The following DSCAML1 variants were observed in gnomAD, a reference collection of about 807,000 sequenced individuals.
DSCAML1 encodes the protein cell adhesion molecule DSCAML1.
Under a neutral mutation model 200.5 loss-of-function variants are expected in DSCAML1, and 38 were observed. The ratio of observed to expected loss-of-function variants is 0.19; its 90% CI spans 0.15 to 0.25. The LOEUF is 0.25. Ranked by LOEUF, DSCAML1 falls within the 10% of genes least tolerant of loss-of-function variation. DSCAML1 has a pLI of 1.00. For missense variants in DSCAML1, 2,223 were observed against 2,858.8 expected, an observed-to-expected ratio of 0.78 and a Z score of 5.07; for synonymous variants, 1,215 against 1,165.0, an observed-to-expected ratio of 1.04 and a Z score of -0.87.
chr11:117,709,775 C>A (rs1293360729), intron 3 of DSCAML1: 1 of 454,424 alleles, frequency 2.2e-6, no homozygotes, highest in Non-Finnish European at 4.4e-6. Flanking sequence ...TGACCCATCA[C>A]CCTAAGGAGC....
chr11:117,491,595 C>T (rs541643746), intron 11 of DSCAML1, among the ~76,000 whole-genome samples: 3 of 152,304 alleles, frequency 2.0e-5, no homozygotes, highest in African/African-American at 7.2e-5. Context: ...CCATGGCCAA[C>T]ATGGCCCGTC....
At chr11:117,815,638 C>T (rs2055798900) in intron 1 of DSCAML1, among the ~76,000 whole-genome samples, 1 of 152,070 alleles carries the variant, frequency 6.6e-6, no homozygotes, top group African/African-American at 2.4e-5. Flanking sequence ...CTGGCGGCCT[C>T]CTGGGGCTGA....
chr11:117,488,532 CAG>C (rs2049122399), intron 11 of DSCAML1, among the ~76,000 whole-genome samples: 3 of 145,800 alleles, frequency 2.1e-5, no homozygotes, highest in Non-Finnish European at 4.5e-5. Context: ...CTGACATGCA[CAG>C]ACACAGACAC....
intron 3 of DSCAML1, among the ~76,000 whole-genome samples, chr11:117,663,681 T>C (rs1476227042): frequency 1.3e-5 from 2 of 152,200 alleles, no homozygotes; most frequent in South Asian, 2.1e-4. Context: ...TTGATTTGTT[T>C]AGTTTCAACA....
At chr11:117,454,246 C>A (rs532013862) in intron 19 of DSCAML1, among the ~76,000 whole-genome samples, 1 of 152,280 alleles carries the variant, frequency 6.6e-6, no homozygotes, top group East Asian at 1.9e-4. Context: ...CGAGATTCCA[C>A]CTGAGACCTG....
chr11:117,768,527 G>T (rs115021982), intron 3 of DSCAML1, among the ~76,000 whole-genome samples: 18 of 152,278 alleles, frequency 1.2e-4, no homozygotes, highest in African/African-American at 3.9e-4. Flanking sequence ...GATGCCAGAT[G>T]ATGGAGAAGA....
chr11:117,510,441 A>T (rs2049596327), intron 8 of DSCAML1, among the ~76,000 whole-genome samples: 1 of 148,648 alleles, frequency 6.7e-6, no homozygotes, highest in South Asian at 2.2e-4. Flanking sequence ...AAAGTCAGAC[A>T]CTGATTTTCT....
intron 3 of DSCAML1, among the ~76,000 whole-genome samples, chr11:117,633,057 C>T (rs1333544513): frequency 2.6e-5 from 4 of 152,196 alleles, no homozygotes; most frequent in Non-Finnish European, 5.9e-5. Flanking sequence ...GACACTGTCA[C>T]CTGCCCTTCA....
chr11:117,603,263 A>C (rs929641669), intron 3 of DSCAML1, among the ~76,000 whole-genome samples: 1 of 152,144 alleles, frequency 6.6e-6, no homozygotes, highest in African/African-American at 2.4e-5. Flanking sequence ...CTCATCCTAA[A>C]ACTGGTAGTG....
intron 3 of DSCAML1, among the ~76,000 whole-genome samples, chr11:117,566,730 C>CCG (rs1263103134): frequency 4.3e-5 from 6 of 140,754 alleles, no homozygotes; most frequent in African/African-American, 1.6e-4. Context: ...CCTCCCCACT[C>CCG]CCCCTACCCC....
intron 3 of DSCAML1, among the ~76,000 whole-genome samples, chr11:117,711,669 A>C (rs2137770307): frequency 6.6e-6 from 1 of 152,354 alleles, no homozygotes; most frequent in East Asian, 1.9e-4. Context: ...CTCAAGAAAG[A>C]AGATTCAATT....
chr11:117,734,125 T>C (rs188024530), intron 3 of DSCAML1, among the ~76,000 whole-genome samples: 3 of 152,222 alleles, frequency 2.0e-5, no homozygotes, highest in Admixed American at 6.5e-5. Flanking sequence ...CATGTAAGCA[T>C]GCATCTTGTC....
chr11:117,810,842 GCCCAGTGCAACTCGT>G (rs2055754815), intron 1 of DSCAML1, among the ~76,000 whole-genome samples: 1 of 152,048 alleles, frequency 6.6e-6, no homozygotes, highest in Non-Finnish European at 1.5e-5. Context: ...TAGTCTCTGT[GCCCAGTGCAACTCGT>G]CCCAAATCTT....
At chr11:117,686,562 G>A (rs1177753980) in intron 3 of DSCAML1, among the ~76,000 whole-genome samples, 1 of 152,238 alleles carries the variant, frequency 6.6e-6, no homozygotes, top group East Asian at 1.9e-4. Flanking sequence ...GGCACCTGGA[G>A]CCTCCTCTCC....
Position 117,780,941 on chromosome 11 carries a change from T to C in DSCAML1, c.47-131A>G, listed in dbSNP as rs756179867. On this transcript the variant is annotated intron_variant, in intron 1 of 32. Coordinates refer to ENST00000651296, the MANE Select transcript of DSCAML1 (RefSeq NM_020693.4). The surrounding 1 kb of genome is among the most constrained non-coding windows in gnomAD (Gnocchi z 4.8). The stretch of plus-strand genomic sequence containing the variant: ...GCATCAGTCATTCAGTATGCACTTA[T>C]TGAGCACTGACTATACACCAGGCAC... 6.3e-5 allele frequency: 41 copies of C among 651,282 alleles called. No individual in the cohort carries two copies. Among genetic ancestry groups the C allele is most frequent in the African/African-American group, 2.6e-4 (14 of 53,166 alleles). 40.3% of individuals were successfully genotyped at this position (651,282 alleles called of 1,614,324 possible).
intron 1 of DSCAML1, among the ~76,000 whole-genome samples, chr11:117,810,283 G>A (rs2134089586): frequency 6.6e-6 from 1 of 152,212 alleles, no homozygotes; most frequent in South Asian, 2.1e-4. Context: ...TCTGGGGGAG[G>A]GGCAAGTACC....
At chr11:117,610,361 C>T (rs945149463) in intron 3 of DSCAML1, among the ~76,000 whole-genome samples, 2 of 152,206 alleles carry the variant, frequency 1.3e-5, no homozygotes, top group African/African-American at 4.8e-5. Flanking sequence ...TACACTCACA[C>T]CTCCAGTCCT....
At chr11:117,466,163 T>C (rs981483923) in intron 16 of DSCAML1, among the ~76,000 whole-genome samples, 12 of 152,230 alleles carry the variant, frequency 7.9e-5, no homozygotes, top group Non-Finnish European at 1.8e-4. Context: ...AAAGCAGCAT[T>C]ATTCAGAATA....
At chr11:117,535,288 G>A (rs2050145755) in intron 3 of DSCAML1, among the ~76,000 whole-genome samples, 1 of 152,216 alleles carries the variant, frequency 6.6e-6, no homozygotes, top group African/African-American at 2.4e-5. Context: ...TCTGTCCTTG[G>A]ACAGTGGTTA....
Sources: gnomAD v4.1 joint callset for allele counts (sites outside exome capture counted in the v4.1 genomes callset) on GRCh38, gnomAD v4.1.1 for gene constraint, Gnocchi (gnomAD v3.1) non-coding constraint, MANE v1.5 for transcripts, NCBI Gene and HGNC (gene_info 2026-07-23, HGNC 2026-07-21) for gene names.